Variants in IP6K3 observed in about 807,000 individuals in gnomAD.
IP6K3 encodes inositol hexakisphosphate kinase 3.
Under a neutral mutation model 28.8 loss-of-function variants are expected in IP6K3, and 20 were observed. The ratio of observed to expected loss-of-function variants is 0.70; its 90% CI spans 0.49 to 1.01. The LOEUF is 1.01. Ranked by LOEUF, IP6K3 falls within the 50% of genes least tolerant of loss-of-function variation. The pLI is 0.00. For synonymous variants in IP6K3, 213 were observed against 221.3 expected, an observed-to-expected ratio of 0.96 and a Z score of 0.33; for missense variants, 480 against 537.1, an observed-to-expected ratio of 0.89 and a Z score of 1.05.
chr6:33,724,696 A>G (rs1301081698), intron 5 of IP6K3, among the ~76,000 whole-genome samples: 5 of 152,236 alleles, frequency 3.3e-5, no homozygotes, highest in African/African-American at 1.2e-4. Context: ...ACTGCCATAC[A>G]GCATCTAAGA....
chr6:33,735,393 G>A lies in IP6K3; in HGVS notation c.84C>T (p.His28=). Residue 28 remains histidine, a synonymous_variant, in exon 2 of 6, where the codon CAC becomes CAT. Coordinates refer to ENST00000293756, the MANE Select transcript of IP6K3 (RefSeq NM_054111.5). ...LEPFLHQVGG[H]MSVMKYDEHT... ...GCTCGTCATACTTCATCACGCTCAT[G>A]TGCCCCCCGACCTGGTGCAGGAAGG... The A allele has an allele frequency of 2.5e-6, 4 of 1,607,060 alleles. No homozygotes were observed. Among genetic ancestry groups the A allele is most frequent in the Non-Finnish European group, 3.4e-6 (4 of 1,176,544 alleles).
At chr6:33,752,729 G>A in the IP6K3 span, among the ~76,000 whole-genome samples, 1 of 152,152 alleles carries the variant, frequency 6.6e-6, no homozygotes, top group African/African-American at 2.4e-5. Flanking sequence ...CTGTGGATGT[G>A]GACTCACCTG....
chr6:33,751,818 G>A (rs1409040923), upstream of IP6K3, among the ~76,000 whole-genome samples: 1 of 152,216 alleles, frequency 6.6e-6, no homozygotes, highest in Non-Finnish European at 1.5e-5. This position sits in a 1 kb window ranked among gnomAD's most constrained non-coding sequence, Gnocchi z 4.3. Flanking sequence ...ACCCAACGGG[G>A]AAGGCACGGG....
intron 2 of IP6K3, among the ~76,000 whole-genome samples, chr6:33,734,285 G>C (rs189671706): frequency 6.6e-6 from 1 of 152,184 alleles, no homozygotes; most frequent in Non-Finnish European, 1.5e-5. Context: ...GTCTGGCATG[G>C]GGCGTGGGGA....
chr6:33,724,529 A>G (rs1315768896), intron 5 of IP6K3, among the ~76,000 whole-genome samples: 1 of 152,310 alleles, frequency 6.6e-6, no homozygotes, highest in South Asian at 2.1e-4. Context: ...CAGAGCCCCA[A>G]AAAGGAGGCG....
chr6:33,755,335 C>G, the IP6K3 span, among the ~76,000 whole-genome samples: 1 of 152,248 alleles, frequency 6.6e-6, no homozygotes, highest in Non-Finnish European at 1.5e-5. Context: ...AAAATTAGGC[C>G]TAGAAGGCGA....
chr6:33,756,189 A>T, the IP6K3 span, among the ~76,000 whole-genome samples: 1 of 152,208 alleles, frequency 6.6e-6, no homozygotes, highest in South Asian at 2.1e-4. Context: ...AAGTAAAACA[A>T]GTAGAAAGTA....
At chr6:33,759,744 G>T in the IP6K3 span, among the ~76,000 whole-genome samples, 1 of 152,088 alleles carries the variant, frequency 6.6e-6, no homozygotes, top group Non-Finnish European at 1.5e-5. Context: ...GTGGTGGCGG[G>T]TGCCTGTAGT....
At chr6:33,732,837 G>A (rs1304729293) in intron 2 of IP6K3, among the ~76,000 whole-genome samples, 2 of 152,206 alleles carry the variant, frequency 1.3e-5, no homozygotes, top group Non-Finnish European at 2.9e-5. Context: ...CACCACCCGA[G>A]AGCCCTTTCA....
the IP6K3 span, among the ~76,000 whole-genome samples, chr6:33,760,059 CAG>C: frequency 6.6e-6 from 1 of 152,226 alleles, no homozygotes; most frequent in Non-Finnish European, 1.5e-5. Context: ...AGGTCAGAGA[CAG>C]ATGCCGATGT....
upstream of IP6K3, among the ~76,000 whole-genome samples, chr6:33,747,663 CCCAGAGGCAGGT>C (rs761011351): frequency 0.11 from 16,344 of 152,000 alleles, 1,132 homozygotes; most frequent in African/African-American, 0.19. This position sits in a 1 kb window ranked among gnomAD's most constrained non-coding sequence, Gnocchi z 5.2. Context: ...GGCCCAGAGG[CCCAGAGGCAGGT>C]GGGAGCAGGG....
intron 2 of IP6K3, among the ~76,000 whole-genome samples, chr6:33,734,240 C>T (rs1031812113): frequency 2.0e-5 from 3 of 151,564 alleles, no homozygotes; most frequent in Middle Eastern, 3.2e-3. Flanking sequence ...ATTCCTGACC[C>T]TCACCCCAAG....
In IP6K3 at chr6:33,726,053, A is replaced by G. The variant is rs542784646; in HGVS notation, c.590-437T>C. On this transcript the variant is annotated intron_variant, in intron 4 of 5. Coordinates refer to ENST00000293756, the MANE Select transcript of IP6K3 (RefSeq NM_054111.5). The stretch of plus-strand genomic sequence containing the variant: ...GTTGCAGGAATATTAATTTCAGTGG[A>G]GTAATTATCCTGCAAAAGCTTCTTA... 1.1e-4 allele frequency among the ~76,000 whole-genome samples: 17 copies of G among 152,304 alleles called. No individual in the cohort carries two copies. The South Asian group carries it at 3.3e-3, about 30-fold the overall frequency.
chr6:33,754,640 G>C, the IP6K3 span, among the ~76,000 whole-genome samples: 8 of 152,144 alleles, frequency 5.3e-5, no homozygotes, highest in Non-Finnish European at 1.2e-4. Flanking sequence ...ACCTGGGCAG[G>C]TTGGTGGTCA....
chr6:33,735,360 C>A lies in IP6K3; in HGVS notation c.117G>T (p.Val39=). 1 of 1,606,540 alleles carries A rather than the reference C, an allele frequency of 6.2e-7. No individual in the cohort carries two copies. The highest frequency in any genetic ancestry group is 8.5e-7 in the Non-Finnish European group (1 of 1,176,240). Residue 39 remains valine (V), a synonymous_variant, in exon 2 of 6, where the codon GTG becomes GTT. Transcript: ENST00000293756. The stretch of plus-strand genomic sequence containing the variant: ...GCTCCCGGGAGACGAGGGGCTTGCA[C>A]ACCGTATGCTCGTCATACTTCATCA... The part of the protein sequence containing the change: ...MSVMKYDEHT[V]CKPLVSREQR...
chr6:33,724,398 C>G (rs1766020640), intron 5 of IP6K3, among the ~76,000 whole-genome samples: 1 of 152,200 alleles, frequency 6.6e-6, no homozygotes, highest in Non-Finnish European at 1.5e-5. Flanking sequence ...TTAAGAAAAG[C>G]TATAACGTTT....
At chr6:33,724,988 TC>T (rs1766041455) in intron 5 of IP6K3, among the ~76,000 whole-genome samples, 1 of 152,084 alleles carries the variant, frequency 6.6e-6, no homozygotes, top group African/African-American at 2.4e-5. Context: ...ACACCTGTAG[TC>T]CCAGCACTTT....
intron 1 of IP6K3, among the ~76,000 whole-genome samples, chr6:33,740,110 C>T (rs1474147286): frequency 6.6e-6 from 1 of 152,158 alleles, no homozygotes; most frequent in Admixed American, 6.5e-5. Context: ...GACAGTTGTC[C>T]CTGTCTTCAG....
chr6:33,732,475 C>A (rs188142040), intron 2 of IP6K3, among the ~76,000 whole-genome samples: 9 of 152,332 alleles, frequency 5.9e-5, no homozygotes, highest in African/African-American at 1.9e-4. Context: ...GGGCAAGTCA[C>A]GCCCCCTCCC....
Sources: allele counts gnomAD v4.1 joint callset (sites outside exome capture counted in the v4.1 genomes callset), GRCh38; gene constraint gnomAD v4.1.1; non-coding constraint Gnocchi (gnomAD v3.1); transcripts MANE v1.5; gene names NCBI Gene and HGNC (gene_info 2026-07-23, HGNC 2026-07-21).